Variants in PBRM1 observed in about 807,000 individuals in gnomAD.
PBRM1 encodes the protein polybromo 1.
PBRM1 carries 27 observed loss-of-function variants against 194.5 expected under a neutral mutation model. That is an observed-to-expected ratio of 0.14 (90% CI 0.10 to 0.19). PBRM1 has a LOEUF of 0.19. Ranked by LOEUF, PBRM1 falls within the 10% of genes least tolerant of loss-of-function variation. PBRM1 has a pLI of 1.00. For missense variants in PBRM1, 1,466 were observed against 2,077.2 expected (o/e 0.71, Z 5.72); for synonymous variants, 655 against 693.2 (o/e 0.94, Z 0.87).
chr3:52,613,845 C>T (rs2094791868), intron 15 of PBRM1, among the ~76,000 whole-genome samples: 1 of 151,838 alleles, frequency 6.6e-6, no homozygotes, highest in Admixed American at 6.6e-5. Flanking sequence ...AACAAACAAA[C>T]AAACAAAAGA....
At chr3:52,554,740 C>T (rs2081861576) in exon 27 of PBRM1, 7 of 1,557,332 alleles carry the variant, frequency 4.5e-6, no homozygotes, top group Admixed American at 4.5e-5. Flanking sequence ...GTGGGATGCC[C>T]GGGAGGCCAG....
chr3:52,546,669 A>G, downstream of PBRM1: 1 of 232,612 alleles, frequency 4.3e-6, no homozygotes, highest in Non-Finnish European at 8.5e-6. Context: ...CAGTTACTAT[A>G]AAGCAGGTTT....
chr3:52,624,574 G>A (rs1376697551), intron 13 of PBRM1, among the ~76,000 whole-genome samples: 1 of 152,156 alleles, frequency 6.6e-6, no homozygotes, highest in Admixed American at 6.6e-5. Context: ...AAGGGAATCA[G>A]CACCTGCCAG....
chr3:52,654,481 C>G (rs955104467), intron 5 of PBRM1, among the ~76,000 whole-genome samples: 1 of 152,154 alleles, frequency 6.6e-6, no homozygotes, highest in African/African-American at 2.4e-5. Flanking sequence ...ATGCAGCCAG[C>G]TTGCTTGGGA....
intron 13 of PBRM1, among the ~76,000 whole-genome samples, chr3:52,625,959 G>A (rs573996074): frequency 6.6e-6 from 1 of 152,262 alleles, no homozygotes; most frequent in South Asian, 2.1e-4. Flanking sequence ...CTGGGCTAAT[G>A]CTTCGTTGGA....
rs2094510343 is a variant in PBRM1 at position 52,609,551 on chromosome 3, G to T, written c.2329C>A (p.Leu777Met). Reference sequence around the variant, plus strand: ...AGATTGTGGATAAGCTCTTGAATCAGCAAAGTCACATTTGGGACATGAGAG... The same window carrying T: ...AGATTGTGGATAAGCTCTTGAATCATCAAAGTCACATTTGGGACATGAGAG... Residue 777 changes from leucine to methionine, a missense_variant, in exon 16 of 30, where the codon CTG (leucine) becomes ATG (methionine). Around this residue, in one of 5 missense-constraint regions of PBRM1, gnomAD observed 687 missense variants for 946.2 expected, o/e 0.73. Coordinates refer to ENST00000296302, the Ensembl canonical transcript of PBRM1. The surrounding 1 kb of genome is among the most constrained non-coding windows in gnomAD (Gnocchi z 4.1). 6.2e-7 allele frequency: 1 copy of T among 1,613,676 alleles called. No homozygotes were observed. Among genetic ancestry groups the T allele is most frequent in the Admixed American group, 1.7e-5 (1 of 59,980 alleles).
intron 7 of PBRM1, among the ~76,000 whole-genome samples, chr3:52,646,441 C>T (rs974613838): frequency 6.6e-6 from 1 of 152,096 alleles, no homozygotes; most frequent in Non-Finnish European, 1.5e-5. Context: ...TTGTGTACTG[C>T]ACTACACAGA....
chr3:52,592,122 G>GTTTT (rs1168998355), intron 17 of PBRM1, among the ~76,000 whole-genome samples: 31 of 120,290 alleles, frequency 2.6e-4, no homozygotes, highest in Non-Finnish European at 3.9e-4. Context: ...ACTGCACCAG[G>GTTTT]TTTTTTTTTT....
chr3:52,642,027 T>C (rs2153707687), exon 10 of PBRM1: 1 of 1,575,428 alleles, frequency 6.3e-7, no homozygotes, highest in Non-Finnish European at 8.7e-7. Flanking sequence ...AACGACCTCC[T>C]TGTACTGCTC....
At chr3:52,571,793 AGG>A (rs2087364593) in intron 22 of PBRM1, among the ~76,000 whole-genome samples, 2 of 139,434 alleles carry the variant, frequency 1.4e-5, no homozygotes, top group African/African-American at 5.3e-5. Flanking sequence ...GAGGCTGAGC[AGG>A]GAGGATGCTT....
chr3:52,591,817 CT>C (rs34822595), intron 17 of PBRM1, among the ~76,000 whole-genome samples: 10,338 of 94,918 alleles, frequency 0.11, 241 homozygotes, highest in African/African-American at 0.17. Context: ...TGCGCCCGGC[CT>C]TTTTTTTTTT....
chr3:52,571,856 C>CA (rs58430288), intron 22 of PBRM1, among the ~76,000 whole-genome samples: 147 of 36,946 alleles, frequency 4.0e-3, no homozygotes, highest in East Asian at 5.9e-3. Flanking sequence ...CTCATCTCCC[C>CA]AAAAAAAAAA....
In PBRM1 at chr3:52,550,703, C is replaced by G. The variant is rs1404736342; in HGVS notation, c.4680+44G>C. The G allele has an allele frequency of 1.9e-6, 3 of 1,587,506 alleles. No individual in the cohort carries two copies. The East Asian group carries it at 6.7e-5, about 36-fold the overall frequency. On this transcript the variant is annotated intron_variant, in intron 28 of 29. Coordinates refer to ENST00000296302, the Ensembl canonical transcript of PBRM1. ...TCTGCACATGTTCTGAGAAGGATAA[C>G]TCGAATTCTGTCAAGTCCTAGAAAA...
At chr3:52,620,314 G>C (rs2095215279) in intron 13 of PBRM1, among the ~76,000 whole-genome samples, 1 of 152,054 alleles carries the variant, frequency 6.6e-6, no homozygotes, top group Non-Finnish European at 1.5e-5. Flanking sequence ...ATGTGGGGTG[G>C]ACTTTAAAAG....
Position 52,637,804 on chromosome 3 carries a change from G to T in PBRM1, c.1088-2989C>A, listed in dbSNP as rs933114159. 3.7e-5 allele frequency among the ~76,000 whole-genome samples: 3 copies of T among 80,656 alleles called. No individual in the cohort carries two copies. The South Asian group carries it at 9.6e-4, about 26-fold the overall frequency. 52.9% of individuals were successfully genotyped at this position (80,656 alleles called of 152,430 possible). On this transcript the variant is annotated intron_variant, in intron 10 of 29. Transcript: ENST00000296302. ...AAAAAAAAAAAAAAAAAAATTAGCC[G>T]GGCATGGTGACGGGCTCCTATAATC...
chr3:52,563,353 G>C (rs1356335816), exon 24 of PBRM1: 3 of 1,614,012 alleles, frequency 1.9e-6, no homozygotes, highest in Non-Finnish European at 2.5e-6. Context: ...TAGAGAAGGA[G>C]GTTCAATGAC....
intron 16 of PBRM1, among the ~76,000 whole-genome samples, chr3:52,607,779 A>G (rs1468008177): frequency 6.6e-6 from 1 of 152,192 alleles, no homozygotes; most frequent in Non-Finnish European, 1.5e-5. Flanking sequence ...AGTAACTCCA[A>G]GAGTTTTTGA....
chr3:52,545,432 A>G (rs1439608550), downstream of PBRM1: 5 of 232,098 alleles, frequency 2.2e-5, no homozygotes, highest in Non-Finnish European at 4.3e-5. Context: ...AAAAAGATAC[A>G]TACATGTTAT....
chr3:52,617,878 A>C (rs1392788341), intron 13 of PBRM1, among the ~76,000 whole-genome samples: 1 of 152,240 alleles, frequency 6.6e-6, no homozygotes, highest in Non-Finnish European at 1.5e-5. Context: ...TTTTTGTTTA[A>C]AGATGAGTAC....
Sources: allele counts gnomAD v4.1 joint callset (sites outside exome capture counted in the v4.1 genomes callset), GRCh38; gene constraint gnomAD v4.1.1; regional missense constraint gnomAD v4.1.1; non-coding constraint Gnocchi (gnomAD v3.1); transcripts MANE v1.5; gene names NCBI Gene and HGNC (gene_info 2026-07-23, HGNC 2026-07-21).